MSI2: variants seen among roughly 807,000 people sequenced by gnomAD.
MSI2 encodes the protein RNA-binding protein Musashi homolog 2.
MSI2 carries 17 observed loss-of-function variants against 45.6 expected under a neutral mutation model. The ratio of observed to expected loss-of-function variants is 0.37; its 90% CI spans 0.26 to 0.56. MSI2 has a LOEUF of 0.56. Among genes scored for constraint, MSI2 ranks in the 20% least tolerant of loss-of-function variants. The pLI is 0.77. For synonymous variants in MSI2, 156 were observed against 158.2 expected (o/e 0.99, Z 0.11); for missense variants, 293 against 444.2 (o/e 0.66, Z 3.06).
chr17:57,315,087 A>T (rs1480897271), intron 5 of MSI2, among the ~76,000 whole-genome samples: 1 of 152,136 alleles, frequency 6.6e-6, no homozygotes, highest in African/African-American at 2.4e-5. Flanking sequence ...TGCAGCCAGG[A>T]TTCAGAACTG....
At chr17:57,575,528 C>G (rs919840213) in intron 7 of MSI2, among the ~76,000 whole-genome samples, 2 of 152,162 alleles carry the variant, frequency 1.3e-5, no homozygotes, top group Admixed American at 1.3e-4. Flanking sequence ...TTTGTTTGGC[C>G]AGGCCTGAGG....
At chr17:57,317,177 T>C (rs1466521253) in intron 5 of MSI2, among the ~76,000 whole-genome samples, 2 of 152,098 alleles carry the variant, frequency 1.3e-5, no homozygotes, top group Non-Finnish European at 2.9e-5. Flanking sequence ...GGAGTACTGA[T>C]CAGTGGGTGG....
intron 7 of MSI2, among the ~76,000 whole-genome samples, chr17:57,564,170 T>C (rs1379630593): frequency 6.6e-6 from 1 of 152,238 alleles, no homozygotes; most frequent in African/African-American, 2.4e-5. Context: ...GATTTCTTGC[T>C]GGAACAGGGC....
At chr17:57,311,474 A>G (rs764747235) in intron 5 of MSI2, among the ~76,000 whole-genome samples, 2 of 152,214 alleles carry the variant, frequency 1.3e-5, no homozygotes, top group Admixed American at 6.5e-5. Context: ...GAAACCCTAT[A>G]TGCTGGGAGT....
intron 7 of MSI2, among the ~76,000 whole-genome samples, chr17:57,594,437 C>G (rs976911386): frequency 6.6e-6 from 1 of 152,174 alleles, no homozygotes; most frequent in Non-Finnish European, 1.5e-5. Flanking sequence ...CCCAGGATTC[C>G]TGAGACATAC....
chr17:57,538,554 G>A (rs1474503376), intron 7 of MSI2, among the ~76,000 whole-genome samples: 1 of 152,116 alleles, frequency 6.6e-6, no homozygotes, highest in Non-Finnish European at 1.5e-5. Context: ...CCGCTTGCGA[G>A]GTGCCCACTC....
intron 6 of MSI2, among the ~76,000 whole-genome samples, chr17:57,471,750 A>G (rs189929487): frequency 2.0e-5 from 3 of 151,444 alleles, no homozygotes; most frequent in Admixed American, 2.0e-4. Flanking sequence ...CCTGCTGTTG[A>G]GCATTTTTGT....
At chr17:57,350,939 A>C (rs1055575454) in intron 5 of MSI2, among the ~76,000 whole-genome samples, 2 of 152,240 alleles carry the variant, frequency 1.3e-5, no homozygotes, top group African/African-American at 4.8e-5. Flanking sequence ...AGGAAGGATG[A>C]AGCTCCTCAG....
chr17:57,691,243 A>G, the MSI2 span, among the ~76,000 whole-genome samples: 2 of 136,916 alleles, frequency 1.5e-5, no homozygotes, highest in Non-Finnish European at 3.2e-5. Flanking sequence ...ATCTATCTAT[A>G]TTGCCATACC....
chr17:57,507,225 C>CTGTGTGTGTGTG (rs71140002), intron 6 of MSI2, among the ~76,000 whole-genome samples: 27 of 51,244 alleles, frequency 5.3e-4, no homozygotes, highest in South Asian at 2.6e-3. Context: ...CTTTGTCTCT[C>CTGTGTGTGTGTG]TGTGTGTGTG....
At chr17:57,642,166 A>G (rs1910311127) in intron 10 of MSI2, among the ~76,000 whole-genome samples, 1 of 152,186 alleles carries the variant, frequency 6.6e-6, no homozygotes, top group Non-Finnish European at 1.5e-5. Flanking sequence ...ACTAGAAAGA[A>G]TTACTTGTGT....
chr17:57,309,361 C>T (rs1197115544), intron 5 of MSI2, among the ~76,000 whole-genome samples: 2 of 152,192 alleles, frequency 1.3e-5, no homozygotes, highest in Non-Finnish European at 2.9e-5. Flanking sequence ...CAGCTTTATT[C>T]TGAAATTGCT....
At chr17:57,369,162 G>A (rs960575115) in intron 5 of MSI2, among the ~76,000 whole-genome samples, 2 of 152,166 alleles carry the variant, frequency 1.3e-5, no homozygotes, top group African/African-American at 4.8e-5. Flanking sequence ...GGTGCTGTTT[G>A]TACCATTTTC....
intron 5 of MSI2, among the ~76,000 whole-genome samples, chr17:57,291,232 G>A (rs1292067203): frequency 1.3e-5 from 2 of 152,190 alleles, no homozygotes; most frequent in Non-Finnish European, 2.9e-5. Flanking sequence ...TAGGAAAATA[G>A]CAAGGAGCAG....
chr17:57,429,209 T>G (rs564551330), intron 6 of MSI2, among the ~76,000 whole-genome samples: 5 of 152,100 alleles, frequency 3.3e-5, no homozygotes, highest in Non-Finnish European at 7.4e-5. Context: ...TAACCCTGCA[T>G]TTCAGGCTGA....
intron 11 of MSI2, among the ~76,000 whole-genome samples, chr17:57,667,073 AG>A (rs1912420901): frequency 6.6e-6 from 1 of 152,138 alleles, no homozygotes; most frequent in Non-Finnish European, 1.5e-5. Context: ...ATCACCCAAC[AG>A]GGGCCACCTC....
chr17:57,285,901 T>C (rs527729557), intron 5 of MSI2: 1 of 1,532,398 alleles, frequency 6.5e-7, no homozygotes, highest in African/African-American at 1.4e-5. Flanking sequence ...GGGGTTATAT[T>C]AAGAAAGTAC....
intron 5 of MSI2, among the ~76,000 whole-genome samples, chr17:57,326,128 A>G (rs1258166101): frequency 6.6e-6 from 1 of 152,024 alleles, no homozygotes; most frequent in Non-Finnish European, 1.5e-5. Context: ...TGTAGCCTCT[A>G]ATGCTTCGTT....
chr17:57,557,479 A>G (rs1332437478), intron 7 of MSI2, among the ~76,000 whole-genome samples: 2 of 152,236 alleles, frequency 1.3e-5, no homozygotes, highest in Non-Finnish European at 2.9e-5. Context: ...TGGCAATGCC[A>G]TCACCACCCA....
Sources: gnomAD v4.1 joint callset for allele counts (sites outside exome capture counted in the v4.1 genomes callset) on GRCh38, gnomAD v4.1.1 for gene constraint, MANE v1.5 for transcripts, NCBI Gene and HGNC (gene_info 2026-07-23, HGNC 2026-07-21) for gene names.